Variants in PRKN observed in about 807,000 individuals in gnomAD.
The protein encoded by PRKN is E3 ubiquitin-protein ligase parkin.
A neutral mutation model predicts 59.5 loss-of-function variants in PRKN; 56 were observed. The ratio of observed to expected loss-of-function variants is 0.94; its 90% CI spans 0.76 to 1.18. PRKN has a LOEUF of 1.18. PRKN is among the 50% of genes most tolerant of loss of function. The probability of loss-of-function intolerance (pLI) is 0.00; values close to 1 mark genes in which losing one functional copy is unlikely to be tolerated. For missense variants in PRKN, 657 were observed against 596.4 expected, an observed-to-expected ratio of 1.10 and a Z score of -1.06; for synonymous variants, 250 against 222.1, an observed-to-expected ratio of 1.13 and a Z score of -1.12.
At chr6:161,894,902 T>G (rs1777555102) in intron 6 of PRKN, among the ~76,000 whole-genome samples, 2 of 152,252 alleles carry the variant, frequency 1.3e-5, no homozygotes, top group African/African-American at 4.8e-5. Flanking sequence ...TAAAGTCTAA[T>G]TATGTGCTTA....
At position 161,365,051 on chromosome 6, in the gene PRKN, C is replaced by T. The variant is rs762841989; in HGVS notation, c.1168-4846G>A. ...GGCAGAGGGTCCTTAGATTTTTTTA[C>T]ATTAATATATGTTTACATTCTAGGG... On this transcript the variant is annotated intron_variant, in intron 10 of 11. Coordinates refer to ENST00000366898, the MANE Select transcript of PRKN (RefSeq NM_004562.3). Among the ~76,000 whole-genome samples the T allele has an allele frequency of 3.9e-5, 6 of 151,946 alleles. No individual in the cohort carries two copies. The South Asian group carries it at 6.2e-4, about 16-fold the overall frequency.
chr6:161,733,797 T>TATATATATATATATATATAC lies in PRKN; in HGVS notation c.871+51974_871+51975insGTATATATATATATATATAT, dbSNP rs58765166. On this transcript the variant is annotated intron_variant, in intron 7 of 11. Coordinates refer to ENST00000366898, the MANE Select transcript of PRKN (RefSeq NM_004562.3). ...AAAAAAAAAAAAATATATATATATA[T>TATATATATATATATATATAC]GTATATATATATATATATATATATG... Among the ~76,000 whole-genome samples, 590 of 81,462 alleles carry TATATATATATATATATATAC rather than the reference T, an allele frequency of 7.2e-3. 5 individuals carry two copies. Among genetic ancestry groups the TATATATATATATATATATAC allele is most frequent in the Non-Finnish European group, 0.012 (484 of 39,158 alleles). The allele number at this position is 81,462 out of a possible 152,430, so 53.4% of individuals were successfully genotyped here.
In PRKN at chr6:161,397,668, T is replaced by C. The variant is rs1197433798; in HGVS notation, c.1084-10791A>G. On this transcript the variant is annotated intron_variant, in intron 9 of 11. Coordinates refer to ENST00000366898, the MANE Select transcript of PRKN (RefSeq NM_004562.3). This position sits in a 1 kb window ranked among gnomAD's most constrained non-coding sequence, Gnocchi z 4.2. ...ATGAAGTTGCAAGGACCTAACAGAA[T>C]AATGGCAATCATCAAACCTTTGCAG... Among the ~76,000 whole-genome samples, 2 of 152,172 alleles carry C rather than the reference T, an allele frequency of 1.3e-5. No homozygotes were observed. Among genetic ancestry groups the C allele is most frequent in the Non-Finnish European group, 2.9e-5 (2 of 68,044 alleles).
rs1779859471 is a variant in PRKN at position 161,548,109 on chromosome 6, T to C, written c.1083+745A>G. Among the ~76,000 whole-genome samples the C allele has an allele frequency of 2.0e-5, 3 of 152,250 alleles. No individual in the cohort carries two copies. Among genetic ancestry groups the C allele is most frequent in the African/African-American group, 7.2e-5 (3 of 41,462 alleles). On this transcript the variant is annotated intron_variant, in intron 9 of 11. Transcript: ENST00000366898. The surrounding 1 kb of genome is among the most constrained non-coding windows in gnomAD (Gnocchi z 4.2). ...TTCTCATCAAAATTCAATAGACTTT[T>C]ATATGCACATACACTTTCTCACTTT...
chr6:162,563,978 G>A (rs1317486780), intron 1 of PRKN, among the ~76,000 whole-genome samples: 2 of 101,732 alleles, frequency 2.0e-5, no homozygotes, highest in African/African-American at 2.7e-5. Context: ...CAGAGTCTGA[G>A]GAGACAAAAA....
At chr6:161,773,357 T>C (rs1789775801) in intron 7 of PRKN, among the ~76,000 whole-genome samples, 1 of 152,198 alleles carries the variant, frequency 6.6e-6, no homozygotes, top group Admixed American at 6.5e-5. Context: ...CTGATGACAA[T>C]GCAGAATGCA....
chr6:161,715,677 C>CCAGTTGAGTTAGGATGTTGCT (rs1786943781), intron 7 of PRKN, among the ~76,000 whole-genome samples: 1 of 152,110 alleles, frequency 6.6e-6, no homozygotes, highest in African/African-American at 2.4e-5. Context: ...CAGTTTCCAT[C>CCAGTTGAGTTAGGATGTTGCT]CAGTTGAGTT....
In PRKN at chr6:161,544,956, G is replaced by A. The variant is rs1479977626; in HGVS notation, c.1083+3898C>T. Among the ~76,000 whole-genome samples, 1 of 152,160 alleles carries A rather than the reference G, an allele frequency of 6.6e-6. No individual in the cohort carries two copies. Among genetic ancestry groups the A allele is most frequent in the Non-Finnish European group, 1.5e-5 (1 of 68,026 alleles). On this transcript the variant is annotated intron_variant, in intron 9 of 11. Coordinates refer to ENST00000366898, the MANE Select transcript of PRKN (RefSeq NM_004562.3). This position sits in a 1 kb window ranked among gnomAD's most constrained non-coding sequence, Gnocchi z 5.5. ...ACTAAAGACACAGAAGCCTTCAAAT[G>A]GAAAGGATATACAACAGAAACCACA...
intron 7 of PRKN, among the ~76,000 whole-genome samples, chr6:161,585,250 C>G (rs373670656): frequency 6.6e-6 from 1 of 152,168 alleles, no homozygotes; most frequent in Admixed American, 6.5e-5. Context: ...ACACATTGTA[C>G]AAGAAGGTTT....
intron 2 of PRKN, among the ~76,000 whole-genome samples, chr6:162,430,158 T>C (rs201554029): frequency 6.9e-6 from 1 of 144,066 alleles, no homozygotes; most frequent in Non-Finnish European, 1.5e-5. Context: ...ATGATGACGA[T>C]GACGACGACG....
chr6:162,435,030 A>G (rs1789706091), intron 2 of PRKN, among the ~76,000 whole-genome samples: 1 of 152,224 alleles, frequency 6.6e-6, no homozygotes. Flanking sequence ...CTCAGATAAC[A>G]TCAGGTCAAT....
At chr6:162,013,434 A>G (rs189748696) in intron 5 of PRKN, among the ~76,000 whole-genome samples, 488 of 151,870 alleles carry the variant, frequency 3.2e-3, no homozygotes, top group Non-Finnish European at 5.5e-3. Context: ...AACCATTTCT[A>G]TGAGGAGCCC....
chr6:162,226,466 C>T (rs867571609), intron 3 of PRKN, among the ~76,000 whole-genome samples: 7 of 152,176 alleles, frequency 4.6e-5, no homozygotes, highest in South Asian at 4.1e-4. Flanking sequence ...CAAATTACTG[C>T]AATTTGGGAG....
chr6:162,272,398 T>C (rs1039544077), intron 2 of PRKN, among the ~76,000 whole-genome samples: 2 of 152,182 alleles, frequency 1.3e-5, no homozygotes, highest in African/African-American at 4.8e-5. Context: ...TTGTGATAAA[T>C]ATTATGAACA....
At position 161,562,709 on chromosome 6, in the gene PRKN, T is replaced by C. The variant is rs1780502434; in HGVS notation, c.933+6646A>G. The stretch of plus-strand genomic sequence containing the variant: ...TTTGCTCATCTCAGTCAAATAGAAC[T>C]TTCAAACTCCTTCCTTTCCCTGACC... On this transcript the variant is annotated intron_variant, in intron 8 of 11. Transcript: ENST00000366898. The surrounding 1 kb of genome is among the most constrained non-coding windows in gnomAD (Gnocchi z 4.3). Among the ~76,000 whole-genome samples the C allele has an allele frequency of 6.6e-6, 1 of 152,144 alleles. No individual in the cohort carries two copies. The highest frequency in any genetic ancestry group is 2.4e-5 in the African/African-American group (1 of 41,444).
rs201187000 is a variant in PRKN, at chr6:161,352,733, G to GTA, written c.1286-2523_1286-2522insTA. ...ACACAAATATGTATGAAGAGTGTGTGTGTGTGTGTGTGTGTGTGTGTGTAT... is the reference window on the plus strand; with the variant it reads ...ACACAAATATGTATGAAGAGTGTGTGTATGTGTGTGTGTGTGTGTGTGTGTAT... On this transcript the variant is annotated intron_variant, in intron 11 of 11. Transcript: ENST00000366898. This position sits in a 1 kb window ranked among gnomAD's most constrained non-coding sequence, Gnocchi z 5.8. Among the ~76,000 whole-genome samples, 31,053 of 139,474 alleles carry GTA rather than the reference G, an allele frequency of 0.22. 3,615 individuals carry two copies. The highest frequency in any genetic ancestry group is 0.31 in the Middle Eastern group (82 of 264). 91.5% of individuals were successfully genotyped at this position (139,474 alleles called of 152,430 possible).
intron 6 of PRKN, among the ~76,000 whole-genome samples, chr6:161,969,268 G>GTTTT (rs61461516): frequency 1.5e-5 from 2 of 133,986 alleles, no homozygotes; most frequent in South Asian, 2.4e-4. Context: ...AGTCTTATTT[G>GTTTT]TTTTTTTTTT....
intron 3 of PRKN, among the ~76,000 whole-genome samples, chr6:162,216,478 C>A (rs867742117): frequency 1.6e-4 from 22 of 134,124 alleles, no homozygotes; most frequent in Admixed American, 1.4e-3. Flanking sequence ...TGCAGTGAGC[C>A]GAGATTGCGC....
At chr6:162,188,784 T>TG (rs1191288048) in intron 4 of PRKN, among the ~76,000 whole-genome samples, 1 of 151,458 alleles carries the variant, frequency 6.6e-6, no homozygotes. Context: ...TTTCGTTTTT[T>TG]TTTTTTTTTT....
Sources: gnomAD v4.1 joint callset for allele counts (sites outside exome capture counted in the v4.1 genomes callset) on GRCh38, gnomAD v4.1.1 for gene constraint, Gnocchi (gnomAD v3.1) non-coding constraint, MANE v1.5 for transcripts, NCBI Gene and HGNC (gene_info 2026-07-23, HGNC 2026-07-21) for gene names.